Variants in CAPS2 observed in about 807,000 individuals in gnomAD.
The protein encoded by CAPS2 is calcyphosine 2.
CAPS2 carries 98 observed loss-of-function variants against 86.5 expected under a neutral mutation model. The observed-to-expected ratio is 1.13, with a 90% CI of 0.96 to 1.34. CAPS2 has a LOEUF of 1.34. Among genes scored for constraint, CAPS2 ranks in the 40% most tolerant of loss-of-function variants. The pLI is 0.00. For missense variants in CAPS2, 729 were observed against 686.8 expected, an observed-to-expected ratio of 1.06 and a Z score of -0.69; for synonymous variants, 210 against 225.1, an observed-to-expected ratio of 0.93 and a Z score of 0.60.
chr12:75,289,620 C>G lies in CAPS2; in HGVS notation c.1395+1G>C, dbSNP rs757255362. The stretch of plus-strand genomic sequence containing the variant: ...TGCAGAGAATTTTCTGTAGCACATA[C>G]CTTTTCAGACACTTCTAAGTGAAAC... On this transcript the variant is annotated splice_donor_variant, in intron 14 of 16. Transcript: ENST00000393284. LOFTEE classifies it high-confidence loss of function. 5 of 1,607,962 alleles carry G rather than the reference C, an allele frequency of 3.1e-6. No individual in the cohort carries two copies. The highest frequency in any genetic ancestry group is 1.7e-5 in the Admixed American group (1 of 59,080).
At chr12:75,350,793 G>A (rs1472781953) in intron 1 of CAPS2, among the ~76,000 whole-genome samples, 1 of 152,194 alleles carries the variant, frequency 6.6e-6, no homozygotes, top group East Asian at 1.9e-4. Flanking sequence ...CTCTTCAGCT[G>A]CAAATGATCA....
chr12:75,321,389 T>G lies in CAPS2; in HGVS notation c.468+11A>C. 6.7e-7 allele frequency: 1 copy of G among 1,501,800 alleles called. No individual in the cohort carries two copies. The highest frequency in any genetic ancestry group is 9.0e-7 in the Non-Finnish European group (1 of 1,116,420). The allele number at this position is 1,501,800 out of a possible 1,614,324, so 93.0% of individuals were successfully genotyped here. Reference sequence around the variant, plus strand: ...AATGTCATTAGAATTTTTTAAAGCCTCATACATTACCTTTTCATCTATCTT... The same window carrying G: ...AATGTCATTAGAATTTTTTAAAGCCGCATACATTACCTTTTCATCTATCTT... On this transcript the variant is annotated intron_variant, in intron 5 of 16. Coordinates refer to ENST00000393284, the Ensembl canonical transcript of CAPS2.
intron 1 of CAPS2, among the ~76,000 whole-genome samples, chr12:75,357,634 A>G (rs2043239497): frequency 6.6e-6 from 1 of 152,134 alleles, no homozygotes; most frequent in African/African-American, 2.4e-5. Context: ...ATACATTTAA[A>G]TGTATTAAAA....
chr12:75,323,876 G>C (rs1051285291), intron 2 of CAPS2, among the ~76,000 whole-genome samples: 4 of 152,146 alleles, frequency 2.6e-5, no homozygotes, highest in African/African-American at 9.7e-5. Flanking sequence ...TAGTGTAATA[G>C]TGTGCATCTC....
chr12:75,292,170 G>A (rs964513771), intron 12 of CAPS2, among the ~76,000 whole-genome samples: 12 of 152,006 alleles, frequency 7.9e-5, no homozygotes, highest in East Asian at 1.9e-4. Context: ...AGGTTCAAGC[G>A]ATTCTCTCAC....
chr12:75,351,107 A>C (rs1174091417), intron 1 of CAPS2, among the ~76,000 whole-genome samples: 6 of 152,206 alleles, frequency 3.9e-5, no homozygotes, highest in Non-Finnish European at 8.8e-5. Context: ...CAGAGCTTGA[A>C]GACTATCTTG....
intron 1 of CAPS2, among the ~76,000 whole-genome samples, chr12:75,375,272 G>A (rs778349401): frequency 5.3e-5 from 8 of 152,132 alleles, no homozygotes; most frequent in Non-Finnish European, 1.0e-4. Flanking sequence ...AGTCAGAACT[G>A]AGCTAAAATT....
At chr12:75,379,735 G>T (rs2044854906) in intron 1 of CAPS2, among the ~76,000 whole-genome samples, 1 of 150,974 alleles carries the variant, frequency 6.6e-6, no homozygotes, top group Non-Finnish European at 1.5e-5. Context: ...ATGAAACAAA[G>T]AAATCAGATT....
At chr12:75,348,827 G>A (rs1007855668) in intron 1 of CAPS2, among the ~76,000 whole-genome samples, 2 of 152,082 alleles carry the variant, frequency 1.3e-5, no homozygotes, top group Non-Finnish European at 2.9e-5. Flanking sequence ...ATGAAGCAAT[G>A]GTTTTAAAGA....
chr12:75,348,753 G>A (rs1321814211), intron 1 of CAPS2, among the ~76,000 whole-genome samples: 1 of 152,108 alleles, frequency 6.6e-6, no homozygotes, highest in African/African-American at 2.4e-5. Context: ...CTGGCCAAGT[G>A]GTAGGGACCA....
At chr12:75,305,186 T>C (rs1256174589) in intron 7 of CAPS2, among the ~76,000 whole-genome samples, 2 of 152,084 alleles carry the variant, frequency 1.3e-5, no homozygotes, top group Non-Finnish European at 2.9e-5. Flanking sequence ...GGGAGGTGTG[T>C]AGGAGAGAAC....
chr12:75,293,688 T>TAATG (rs1377744654), intron 11 of CAPS2, among the ~76,000 whole-genome samples: 3 of 152,164 alleles, frequency 2.0e-5, no homozygotes, highest in Non-Finnish European at 4.4e-5. Context: ...TGAATAGAGC[T>TAATG]AATGGCCTAC....
At chr12:75,321,035 A>G (rs565224448) in intron 5 of CAPS2, among the ~76,000 whole-genome samples, 87 of 152,132 alleles carry the variant, frequency 5.7e-4, no homozygotes, top group African/African-American at 2.1e-3. Context: ...ATCACTTATC[A>G]ATTTTAAAAT....
chr12:75,318,711 C>T lies in CAPS2; in HGVS notation c.469-2277G>A, dbSNP rs542892869. Among the ~76,000 whole-genome samples, 14 of 152,260 alleles carry T rather than the reference C, an allele frequency of 9.2e-5. No individual in the cohort carries two copies. The South Asian group carries it at 2.7e-3, about 29-fold the overall frequency. On this transcript the variant is annotated intron_variant, in intron 5 of 16. Transcript: ENST00000393284. ...TCCTAGATCCCTTCTATACACCACA[C>T]TTTTCACCATGTGTCATACAAGCTG...
intron 1 of CAPS2, among the ~76,000 whole-genome samples, chr12:75,364,174 G>T (rs2043808563): frequency 6.6e-6 from 1 of 152,122 alleles, no homozygotes; most frequent in Non-Finnish European, 1.5e-5. Context: ...TGTTAATGCT[G>T]GTCAGCTTTT....
chr12:75,366,878 G>T, intron 1 of CAPS2: 1 of 701,392 alleles, frequency 1.4e-6, no homozygotes, highest in East Asian at 2.7e-5. Flanking sequence ...AACTAATTTT[G>T]TTGAGGGTTC....
chr12:75,315,262 C>T (rs1364752132), intron 6 of CAPS2, among the ~76,000 whole-genome samples: 1 of 152,144 alleles, frequency 6.6e-6, no homozygotes, highest in Admixed American at 6.5e-5. Context: ...TTAATTATTG[C>T]AATACCCATT....
At chr12:75,374,170 A>G (rs183771979) in intron 1 of CAPS2, among the ~76,000 whole-genome samples, 1 of 152,196 alleles carries the variant, frequency 6.6e-6, no homozygotes, top group African/African-American at 2.4e-5. Context: ...TGACGCCTTA[A>G]GCATAATTGG....
intron 1 of CAPS2, among the ~76,000 whole-genome samples, chr12:75,337,056 A>G (rs1243135227): frequency 1.3e-5 from 2 of 151,872 alleles, no homozygotes. Context: ...TTTAGATTTG[A>G]ATGTTAATGG....
Sources: allele counts gnomAD v4.1 joint callset (sites outside exome capture counted in the v4.1 genomes callset), GRCh38; gene constraint gnomAD v4.1.1; transcripts MANE v1.5; gene names NCBI Gene and HGNC (gene_info 2026-07-23, HGNC 2026-07-21).